Variants in ST6GALNAC3 observed in about 807,000 individuals in gnomAD.
The protein encoded by ST6GALNAC3 is ST6 N-acetylgalactosaminide alpha-2,6-sialyltransferase 3, also known as alpha-N-acetylgalactosaminide alpha-2,6-sialyltransferase 3.
In ST6GALNAC3, 25 loss-of-function variants were observed where a neutral mutation model predicts 32.7. That is an observed-to-expected ratio of 0.76 (90% confidence interval 0.56 to 1.07). The LOEUF (loss-of-function observed/expected upper bound fraction) is 1.07, where lower values mean the gene tolerates loss of function less well. Among genes scored for constraint, ST6GALNAC3 ranks in the 50% least tolerant of loss-of-function variants. ST6GALNAC3 has a pLI of 0.00. For synonymous variants in ST6GALNAC3, 129 were observed against 133.1 expected, an observed-to-expected ratio of 0.97 and a Z score of 0.21; for missense variants, 355 against 382.4, an observed-to-expected ratio of 0.93 and a Z score of 0.60.
At chr1:76,398,375 A>T (rs2101195823) in intron 2 of ST6GALNAC3, among the ~76,000 whole-genome samples, 1 of 152,246 alleles carries the variant, frequency 6.6e-6, no homozygotes, top group Non-Finnish European at 1.5e-5. Context: ...ACGATACATC[A>T]GTGGTATCTT....
chr1:76,149,940 G>A (rs1254324049), intron 1 of ST6GALNAC3, among the ~76,000 whole-genome samples: 1 of 152,122 alleles, frequency 6.6e-6, no homozygotes, highest in South Asian at 2.1e-4. Flanking sequence ...TTAAATAGAG[G>A]GAACCTCCCT....
chr1:76,636,050 T>C (rs778294891), downstream of ST6GALNAC3, among the ~76,000 whole-genome samples: 5 of 152,206 alleles, frequency 3.3e-5, no homozygotes, highest in African/African-American at 4.8e-5. Context: ...TTTGTTTTGA[T>C]AATCCTTGTT....
At chr1:76,422,959 G>C (rs978415008) in intron 3 of ST6GALNAC3, among the ~76,000 whole-genome samples, 1 of 151,978 alleles carries the variant, frequency 6.6e-6, no homozygotes, top group African/African-American at 2.4e-5. Flanking sequence ...AGATGGTGCT[G>C]CTCAGTAGCT....
rs569309164 is a variant in ST6GALNAC3 at position 76,504,779 on chromosome 1, C to T, written c.623+92362C>T. On this transcript the variant is annotated intron_variant, in intron 3 of 4. Coordinates refer to ENST00000328299, the MANE Select transcript of ST6GALNAC3 (RefSeq NM_152996.4). ...AGATTTATATGATTTGCTATTTGAG[C>T]TTTTCTAAACTATTAAGTAGTAGTA... Among the ~76,000 whole-genome samples, 435 of 152,206 alleles carry T rather than the reference C, an allele frequency of 2.9e-3. 4 individuals carry two copies. In the Middle Eastern group the frequency reaches 0.044, roughly 15 times the overall value.
intron 1 of ST6GALNAC3, among the ~76,000 whole-genome samples, chr1:76,157,532 G>T (rs1413102914): frequency 1.3e-5 from 2 of 152,106 alleles, no homozygotes; most frequent in East Asian, 3.8e-4. Context: ...CATTTCCAAA[G>T]CCACTTAAAT....
chr1:76,218,558 G>C (rs1294109254), intron 1 of ST6GALNAC3, among the ~76,000 whole-genome samples: 1 of 152,082 alleles, frequency 6.6e-6, no homozygotes, highest in African/African-American at 2.4e-5. Flanking sequence ...AAGAAAAGCT[G>C]TTCACCATTT....
chr1:76,609,811 C>A (rs1303040653), intron 3 of ST6GALNAC3, among the ~76,000 whole-genome samples: 17 of 151,976 alleles, frequency 1.1e-4, no homozygotes, highest in Non-Finnish European at 2.4e-4. Context: ...TTAATTAGCA[C>A]CCCCCTTGAC....
chr1:76,494,466 TATACAC>T lies in ST6GALNAC3; in HGVS notation c.623+82051_623+82056del, dbSNP rs1251395756. Among the ~76,000 whole-genome samples, 3 of 50,734 alleles carry T rather than the reference TATACAC, an allele frequency of 5.9e-5. 1 individual carries two copies. The East Asian group carries it at 3.1e-3, about 52-fold the overall frequency. The allele number at this position is 50,734 out of a possible 152,430, so 33.3% of individuals were successfully genotyped here. ...ATATATATATATATATATATATATA[TATACAC>T]ACACACACACACACTTTCCCTACTT... On this transcript the variant is annotated intron_variant, in intron 3 of 4. Transcript: ENST00000328299.
rs544201394 is a variant in ST6GALNAC3 at position 76,077,949 on chromosome 1, A to G, written c.18+3065A>G. Among the ~76,000 whole-genome samples, 3 of 152,352 alleles carry G rather than the reference A, an allele frequency of 2.0e-5. No homozygotes were observed. The East Asian group carries it at 5.8e-4, about 29-fold the overall frequency. ...TTATGGTTTAGTAAGGATGATAGAAAAGTAAATGAGTGCTTAGGTTACAAT... is the reference window on the plus strand; with the variant it reads ...TTATGGTTTAGTAAGGATGATAGAAGAGTAAATGAGTGCTTAGGTTACAAT... On this transcript the variant is annotated intron_variant, in intron 1 of 4. Transcript: ENST00000328299.
chr1:76,393,571 A>G (rs576059540), intron 2 of ST6GALNAC3, among the ~76,000 whole-genome samples: 38 of 152,302 alleles, frequency 2.5e-4, no homozygotes, highest in Non-Finnish European at 3.7e-4. Context: ...TGAAGGTATC[A>G]AGTATATGAT....
chr1:76,341,645 CTT>C (rs1236269527), intron 2 of ST6GALNAC3, among the ~76,000 whole-genome samples: 1 of 141,714 alleles, frequency 7.1e-6, no homozygotes, highest in Admixed American at 7.1e-5. Flanking sequence ...TTCTTTCTTT[CTT>C]TCTTTCTTTC....
intron 1 of ST6GALNAC3, among the ~76,000 whole-genome samples, chr1:76,129,648 G>A (rs1158895427): frequency 2.0e-5 from 3 of 152,148 alleles, no homozygotes; most frequent in Admixed American, 2.0e-4. Flanking sequence ...TGTGTCCATT[G>A]TTTTGTGGCT....
intron 1 of ST6GALNAC3, among the ~76,000 whole-genome samples, chr1:76,220,765 G>T (rs181302340): frequency 3.7e-4 from 57 of 152,314 alleles, no homozygotes; most frequent in Non-Finnish European, 5.6e-4. Flanking sequence ...AATGCCTGGA[G>T]TGGGCAGCCA....
At chr1:76,374,546 T>C (rs1235268740) in intron 2 of ST6GALNAC3, among the ~76,000 whole-genome samples, 1 of 152,230 alleles carries the variant, frequency 6.6e-6, no homozygotes, top group Non-Finnish European at 1.5e-5. Flanking sequence ...ACATGTCTAA[T>C]GACATGAACA....
chr1:76,207,027 C>G (rs1019115571), intron 1 of ST6GALNAC3, among the ~76,000 whole-genome samples: 1 of 152,232 alleles, frequency 6.6e-6, no homozygotes, highest in Non-Finnish European at 1.5e-5. Context: ...GAAGTCTCAG[C>G]TGGCCTCCTT....
chr1:76,378,338 AC>A (rs1651406330), intron 2 of ST6GALNAC3, among the ~76,000 whole-genome samples: 1 of 152,158 alleles, frequency 6.6e-6, no homozygotes, highest in South Asian at 2.1e-4. Context: ...GATGATGTTT[AC>A]TTTTTTTATA....
chr1:76,268,888 G>A (rs186176852), intron 1 of ST6GALNAC3, among the ~76,000 whole-genome samples: 63 of 152,222 alleles, frequency 4.1e-4, no homozygotes, highest in East Asian at 1.5e-3. Flanking sequence ...ATTCCTCGCC[G>A]TGGCCCTCTC....
At chr1:76,577,131 A>G (rs1646823242) in intron 3 of ST6GALNAC3, 1 of 1,063,930 alleles carries the variant, frequency 9.4e-7, no homozygotes, top group African/African-American at 1.7e-5. Context: ...GTATGTAAAT[A>G]TTTTTAAATG....
chr1:76,178,484 C>T (rs544280594), intron 1 of ST6GALNAC3, among the ~76,000 whole-genome samples: 9 of 152,138 alleles, frequency 5.9e-5, no homozygotes, highest in Non-Finnish European at 1.0e-4. Context: ...ATCGCCAGAC[C>T]GTGGGAGGTT....
Sources: allele counts gnomAD v4.1 joint callset (sites outside exome capture counted in the v4.1 genomes callset), GRCh38; gene constraint gnomAD v4.1.1; transcripts MANE v1.5; gene names NCBI Gene and HGNC (gene_info 2026-07-23, HGNC 2026-07-21).